Variants in EPHA5 observed in about 807,000 individuals in gnomAD.
EPHA5 encodes the protein EPH receptor A5.
In EPHA5, 60 loss-of-function variants were observed where a neutral mutation model predicts 105.0. That is an observed-to-expected ratio of 0.57 (90% CI 0.46 to 0.71). The LOEUF (loss-of-function observed/expected upper bound fraction) is 0.71. Among genes scored for constraint, EPHA5 ranks in the 30% least tolerant of loss-of-function variants. The pLI is 0.00. For synonymous variants in EPHA5, 513 were observed against 449.1 expected (o/e 1.14, Z -1.80); for missense variants, 1,218 against 1,274.7 (o/e 0.96, Z 0.68).
chr4:65,337,883 C>T (rs1333909614), intron 14 of EPHA5, among the ~76,000 whole-genome samples: 2 of 151,982 alleles, frequency 1.3e-5, no homozygotes, highest in Non-Finnish European at 2.9e-5. Flanking sequence ...TACTCAAGGA[C>T]TCCAAAATTA....
At chr4:65,536,420 C>T (rs529112583) in intron 3 of EPHA5, among the ~76,000 whole-genome samples, 15 of 151,938 alleles carry the variant, frequency 9.9e-5, no homozygotes, top group Admixed American at 5.9e-4. Flanking sequence ...AGAGATTCTG[C>T]CGTTTCTGGT....
chr4:65,542,612 A>C (rs1174398538), intron 3 of EPHA5, among the ~76,000 whole-genome samples: 2 of 151,906 alleles, frequency 1.3e-5, no homozygotes, highest in African/African-American at 4.8e-5. Context: ...CCAGAACCTG[A>C]AGAATTCACA....
At chr4:65,387,950 A>C (rs1438361468) in intron 8 of EPHA5, among the ~76,000 whole-genome samples, 1 of 45,218 alleles carries the variant, frequency 2.2e-5, no homozygotes, top group African/African-American at 9.2e-5. Flanking sequence ...TATATCTCCT[A>C]ATGCTATCCC....
chr4:65,409,565 TA>T (rs1295325136), intron 7 of EPHA5, among the ~76,000 whole-genome samples: 1 of 152,114 alleles, frequency 6.6e-6, no homozygotes, highest in Non-Finnish European at 1.5e-5. Flanking sequence ...CTCTAGACTT[TA>T]TTGCCTCAGC....
chr4:65,622,130 T>G (rs191039174), intron 2 of EPHA5, among the ~76,000 whole-genome samples: 26 of 152,278 alleles, frequency 1.7e-4, no homozygotes, highest in Admixed American at 1.6e-3. Context: ...GTAACTATAT[T>G]CTGTTCAGCT....
intron 5 of EPHA5, among the ~76,000 whole-genome samples, chr4:65,453,134 T>C (rs1275147984): frequency 1.3e-5 from 2 of 152,222 alleles, no homozygotes; most frequent in Non-Finnish European, 2.9e-5. Context: ...TCTTGAATTT[T>C]ACTATACCAG....
At position 65,503,502 on chromosome 4, in the gene EPHA5, A is replaced by T. The variant is rs147014960; in HGVS notation, c.911-7959T>A. Among the ~76,000 whole-genome samples the T allele has an allele frequency of 1.4e-4, 22 of 151,974 alleles. No individual in the cohort carries two copies. The East Asian group carries it at 3.9e-3, about 27-fold the overall frequency. On this transcript the variant is annotated intron_variant, in intron 3 of 16. Transcript: ENST00000613740. ...TGAAAACAATAAGGCTAATTGTAAC[A>T]TTAGAATATTACATAAGAAAAGGAC...
chr4:65,421,812 G>A (rs1723972544), intron 5 of EPHA5, among the ~76,000 whole-genome samples: 2 of 152,022 alleles, frequency 1.3e-5, no homozygotes, highest in African/African-American at 4.8e-5. Flanking sequence ...GAAATTTAAT[G>A]AATATTTGTT....
At chr4:65,337,060 CAA>C (rs1442346686) in intron 14 of EPHA5, among the ~76,000 whole-genome samples, 4 of 151,862 alleles carry the variant, frequency 2.6e-5, no homozygotes, top group African/African-American at 9.7e-5. Context: ...AGGAAATTTA[CAA>C]AGATAATTTT....
intron 3 of EPHA5, among the ~76,000 whole-genome samples, chr4:65,552,943 T>C (rs1038739480): frequency 5.3e-5 from 8 of 152,204 alleles, no homozygotes; most frequent in Admixed American, 5.2e-4. Flanking sequence ...GCTTTATTAT[T>C]TAGAAATGGA....
chr4:65,403,632 T>C (rs1722070740), intron 8 of EPHA5, among the ~76,000 whole-genome samples: 1 of 152,176 alleles, frequency 6.6e-6, no homozygotes, highest in Non-Finnish European at 1.5e-5. Flanking sequence ...TATTCTACTT[T>C]ATTGCATTTT....
chr4:65,450,703 C>T (rs1297223997), intron 5 of EPHA5, among the ~76,000 whole-genome samples: 2 of 152,106 alleles, frequency 1.3e-5, no homozygotes, highest in Non-Finnish European at 2.9e-5. Context: ...ATACTTGCAG[C>T]TCAATTCATT....
intron 1 of EPHA5, among the ~76,000 whole-genome samples, chr4:65,663,421 G>A (rs1578727501): frequency 6.6e-6 from 1 of 151,708 alleles, no homozygotes; most frequent in African/African-American, 2.4e-5. Context: ...TAACATCTGA[G>A]ATTCTCATTA....
intron 8 of EPHA5, among the ~76,000 whole-genome samples, chr4:65,384,036 A>G (rs1577974666): frequency 6.6e-6 from 1 of 152,008 alleles, no homozygotes; most frequent in East Asian, 1.9e-4. Flanking sequence ...ATCGGTTTGT[A>G]TACGAGAAAG....
intron 6 of EPHA5, among the ~76,000 whole-genome samples, chr4:65,417,417 T>A (rs1723494406): frequency 6.6e-6 from 1 of 152,180 alleles, no homozygotes; most frequent in Admixed American, 6.5e-5. Flanking sequence ...AAAATCTTTA[T>A]AGGTATAATG....
chr4:65,611,588 C>T (rs1744763936), intron 2 of EPHA5, among the ~76,000 whole-genome samples: 1 of 149,728 alleles, frequency 6.7e-6, no homozygotes, highest in Admixed American at 6.7e-5. Context: ...GATTATATAT[C>T]CACTCTATAA....
At chr4:65,627,408 T>C (rs1459598404) in intron 2 of EPHA5, among the ~76,000 whole-genome samples, 1 of 152,206 alleles carries the variant, frequency 6.6e-6, no homozygotes, top group Non-Finnish European at 1.5e-5. Context: ...TGATATTTTC[T>C]AGACTCAACT....
intron 3 of EPHA5, among the ~76,000 whole-genome samples, chr4:65,593,400 C>CTAAG (rs1301445898): frequency 6.6e-6 from 1 of 152,012 alleles, no homozygotes; most frequent in Non-Finnish European, 1.5e-5. Flanking sequence ...TTATCTGTAC[C>CTAAG]TAAGTATCCC....
At chr4:65,343,856 G>GT (rs10601380) in intron 14 of EPHA5, among the ~76,000 whole-genome samples, 55 of 150,940 alleles carry the variant, frequency 3.6e-4, no homozygotes, top group East Asian at 2.6e-3. Context: ...AAATATTAGT[G>GT]TTTTTTTTTT....
Sources: gnomAD v4.1 joint callset for allele counts (sites outside exome capture counted in the v4.1 genomes callset) on GRCh38, gnomAD v4.1.1 for gene constraint, MANE v1.5 for transcripts, NCBI Gene and HGNC (gene_info 2026-07-23, HGNC 2026-07-21) for gene names.